Variants in SEMA6D observed in about 807,000 individuals in gnomAD.
SEMA6D encodes semaphorin-6D.
SEMA6D carries 35 observed loss-of-function variants against 106.6 expected under a neutral mutation model. The ratio of observed to expected loss-of-function variants is 0.33; its 90% CI spans 0.25 to 0.44. The LOEUF (loss-of-function observed/expected upper bound fraction) is 0.44, where lower values mean the gene tolerates loss of function less well. Ranked by LOEUF, SEMA6D falls within the 20% of genes least tolerant of loss-of-function variation. The probability of loss-of-function intolerance (pLI) is 1.00; values close to 1 mark genes in which losing one functional copy is unlikely to be tolerated. For synonymous variants in SEMA6D, 499 were observed against 487.7 expected, an observed-to-expected ratio of 1.02 and a Z score of -0.31; for missense variants, 1,185 against 1,345.9, an observed-to-expected ratio of 0.88 and a Z score of 1.87.
chr15:47,379,450 G>A (rs9302132), intron 1 of SEMA6D, among the ~76,000 whole-genome samples: 184 of 152,276 alleles, frequency 1.2e-3, no homozygotes, highest in African/African-American at 4.3e-3. Flanking sequence ...AAAATGTGTA[G>A]TCTATTTAGG....
chr15:47,510,471 G>A (rs976643464), intron 3 of SEMA6D, among the ~76,000 whole-genome samples: 1 of 152,168 alleles, frequency 6.6e-6, no homozygotes, highest in African/African-American at 2.4e-5. Flanking sequence ...AAAAGTCTGT[G>A]AAATTAATCT....
At chr15:47,528,386 G>T (rs1474664736) in intron 3 of SEMA6D, among the ~76,000 whole-genome samples, 1 of 152,146 alleles carries the variant, frequency 6.6e-6, no homozygotes, top group East Asian at 1.9e-4. Flanking sequence ...CAAGAGTACA[G>T]TCCTCAAACT....
chr15:47,227,425 C>CTTTCT, intron 1 of SEMA6D, among the ~76,000 whole-genome samples: 1 of 105,190 alleles, frequency 9.5e-6, no homozygotes, highest in Admixed American at 9.8e-5. Flanking sequence ...CTTTCTCTTT[C>CTTTCT]TTTCTTTCTT....
At position 47,774,167 on chromosome 15, in the gene SEMA6D, T is replaced by C. The variant is rs1403504993; in HGVS notation, c.*2382T>C. The C allele has an allele frequency of 1.3e-5, 2 of 152,672 alleles. No individual in the cohort carries two copies. The highest frequency in any genetic ancestry group is 4.8e-5 in the African/African-American group (2 of 41,464). The allele number at this position is 152,672 out of a possible 1,614,324, so 9.5% of individuals were successfully genotyped here. ...GTATTGTGGATGTGTAAATAATATG[T>C]ACTTTGGGTTTTTAACACCGCATGT... On this transcript the variant is annotated 3_prime_UTR_variant, in exon 19 of 19. Coordinates refer to ENST00000536845, the MANE Select transcript of SEMA6D (RefSeq NM_001358351.3).
rs144860630 is a variant in SEMA6D at position 47,367,678 on chromosome 15, A to ACGCGCGCG, written c.-238-44707_-238-44700dup. Among the ~76,000 whole-genome samples, 155 of 137,588 alleles carry ACGCGCGCG rather than the reference A, an allele frequency of 1.1e-3. 1 individual carries two copies. The highest frequency in any genetic ancestry group is 4.7e-3 in the African/African-American group (149 of 31,998). The allele number at this position is 137,588 out of a possible 152,430, so 90.3% of individuals were successfully genotyped here. ...CCTTCCCCTAAACACGCACGCTCAC[A>ACGCGCGCG]CGCGCGCGCGCGCGCACACACACAC... is the stretch of plus-strand genomic sequence containing the variant. On this transcript the variant is annotated intron_variant, in intron 1 of 19. Coordinates refer to the SEMA6D transcript ENST00000558014.
chr15:47,486,381 G>A (rs191788521), intron 3 of SEMA6D, among the ~76,000 whole-genome samples: 47 of 152,322 alleles, frequency 3.1e-4, no homozygotes, highest in African/African-American at 1.0e-3. Context: ...TGGTAAGAGA[G>A]CACTGTAGGC....
chr15:47,629,964 G>A (rs1176808744), intron 4 of SEMA6D, among the ~76,000 whole-genome samples: 2 of 151,786 alleles, frequency 1.3e-5, no homozygotes, highest in Non-Finnish European at 2.9e-5. Context: ...TGGACATTTA[G>A]GTTAATTCCG....
At chr15:47,720,726 G>T (rs1026562940) in intron 1 of SEMA6D, among the ~76,000 whole-genome samples, 4 of 152,160 alleles carry the variant, frequency 2.6e-5, no homozygotes, top group Admixed American at 2.0e-4. Context: ...AACTGGAGAA[G>T]TTCTTCACTT....
chr15:47,357,616 C>T (rs2038637832), intron 1 of SEMA6D, among the ~76,000 whole-genome samples: 1 of 152,094 alleles, frequency 6.6e-6, no homozygotes, highest in Non-Finnish European at 1.5e-5. Context: ...CTAGGCCAGT[C>T]TCTCTTTTCA....
intron 1 of SEMA6D, among the ~76,000 whole-genome samples, chr15:47,259,176 G>T (rs1417656096): frequency 6.6e-6 from 1 of 152,002 alleles, no homozygotes; most frequent in Admixed American, 6.6e-5. Flanking sequence ...CTTTATTTCA[G>T]TCATCAAATC....
intron 1 of SEMA6D, among the ~76,000 whole-genome samples, chr15:47,312,717 T>C (rs1377531166): frequency 6.6e-6 from 1 of 152,224 alleles, no homozygotes; most frequent in Non-Finnish European, 1.5e-5. Flanking sequence ...GAGAACATAA[T>C]TTAAACAATA....
intron 1 of SEMA6D, among the ~76,000 whole-genome samples, chr15:47,320,746 T>C (rs978591275): frequency 6.6e-6 from 1 of 152,178 alleles, no homozygotes; most frequent in African/African-American, 2.4e-5. Context: ...TTACCTCCTC[T>C]CCAGAGTCTC....
At chr15:47,304,833 A>G (rs1231239620) in intron 1 of SEMA6D, among the ~76,000 whole-genome samples, 1 of 152,170 alleles carries the variant, frequency 6.6e-6, no homozygotes, top group East Asian at 1.9e-4. Context: ...ATTATGTGAA[A>G]TGGGAGGAAA....
At chr15:47,603,929 A>T (rs1358015875) in intron 4 of SEMA6D, 1 of 152,010 alleles carries the variant, frequency 6.6e-6, no homozygotes, top group Non-Finnish European at 1.5e-5. Flanking sequence ...ACCCCCTGAG[A>T]TGGAGTGATG....
rs200866177 is a variant in SEMA6D at position 47,761,170 on chromosome 15, C to G, written c.295C>G (p.Arg99Gly). The G allele has an allele frequency of 1.1e-4, 170 of 1,613,472 alleles. 1 individual carries two copies. Among genetic ancestry groups the G allele is most frequent in the Non-Finnish European group, 1.3e-4 (148 of 1,179,768 alleles). Residue 99 changes from arginine to glycine, a missense_variant, in exon 5 of 19, where the codon CGA becomes GGA. This residue lies in a region of SEMA6D where 144 missense variants were observed against 138.6 expected (regional missense o/e 1.04). Coordinates refer to ENST00000536845, the MANE Select transcript of SEMA6D (RefSeq NM_001358351.3). ...TTGATTAATACAGAAACTGACATGG[C>G]GATCAAGACAACAGGATCGAGAAAA... The part of the protein sequence containing the change: ...EVIPNKKLTW[R>G]SRQQDRENCA...
intron 3 of SEMA6D, among the ~76,000 whole-genome samples, chr15:47,501,519 G>A (rs1037381731): frequency 1.3e-4 from 20 of 152,160 alleles, no homozygotes; most frequent in Non-Finnish European, 2.5e-4. Flanking sequence ...ACTTTACAAG[G>A]TAAGATTTAA....
intron 1 of SEMA6D, among the ~76,000 whole-genome samples, chr15:47,229,491 T>A (rs1454841): frequency 0.068 from 10,287 of 152,012 alleles, 1,327 homozygotes; most frequent in East Asian, 0.6. Context: ...ATACAGGTTG[T>A]GAGGGTGTGC....
chr15:47,707,463 A>C (rs371265128), intron 4 of SEMA6D, among the ~76,000 whole-genome samples: 2 of 152,358 alleles, frequency 1.3e-5, no homozygotes, highest in Admixed American at 1.3e-4. Context: ...AGATACCACT[A>C]AACAGTCAGC....
intron 2 of SEMA6D, among the ~76,000 whole-genome samples, chr15:47,444,443 C>T (rs2041970866): frequency 6.6e-6 from 1 of 151,174 alleles, no homozygotes; most frequent in Non-Finnish European, 1.5e-5. Context: ...TAAGATCAGG[C>T]CCATGATGCC....
Sources: gnomAD v4.1 joint callset for allele counts (sites outside exome capture counted in the v4.1 genomes callset) on GRCh38, gnomAD v4.1.1 for gene constraint, gnomAD v4.1.1 regional missense constraint, MANE v1.5 for transcripts, NCBI Gene and HGNC (gene_info 2026-07-23, HGNC 2026-07-21) for gene names.